NEGR1: variants seen among roughly 807,000 people sequenced by gnomAD.
NEGR1 encodes IgLON family member 4.
In NEGR1, 10 loss-of-function variants were observed where a neutral mutation model predicts 40.9. The ratio of observed to expected loss-of-function variants is 0.24; its 90% CI spans 0.15 to 0.42. NEGR1 has a LOEUF of 0.42. Among genes scored for constraint, NEGR1 ranks in the 10% least tolerant of loss-of-function variants. The pLI, the probability that NEGR1 is intolerant of heterozygous loss-of-function variation, is 1.00. For synonymous variants in NEGR1, 185 were observed against 166.8 expected (o/e 1.11, Z -0.84); for missense variants, 352 against 438.9 (o/e 0.80, Z 1.77).
At chr1:71,584,490 T>C (rs552904121) in intron 6 of NEGR1, among the ~76,000 whole-genome samples, 2 of 152,320 alleles carry the variant, frequency 1.3e-5, no homozygotes, top group South Asian at 2.1e-4. Flanking sequence ...ACCTTCATAA[T>C]AATCATTTTG....
intron 6 of NEGR1, among the ~76,000 whole-genome samples, chr1:71,448,007 C>G (rs1367987916): frequency 6.6e-6 from 1 of 152,112 alleles, no homozygotes; most frequent in Non-Finnish European, 1.5e-5. Context: ...ATTTTTAATC[C>G]TTTCACAGGG....
intron 2 of NEGR1, among the ~76,000 whole-genome samples, chr1:71,854,038 T>A (rs1038595674): frequency 1.3e-5 from 2 of 152,148 alleles, no homozygotes; most frequent in Non-Finnish European, 2.9e-5. Context: ...TGTTGAGGAT[T>A]TGATTTTTAT....
Position 71,406,592 on chromosome 1 carries a change from A to C in NEGR1, c.*854T>G, listed in dbSNP as rs1005470858. On this transcript the variant is annotated 3_prime_UTR_variant, in exon 7 of 7. Coordinates refer to ENST00000357731, the MANE Select transcript of NEGR1 (RefSeq NM_173808.3). Reference sequence around the variant, plus strand: ...TACAACTAAAGAAATCATATGGTATATTTACTATACTGTTATTAAATTGTC... The same window carrying C: ...TACAACTAAAGAAATCATATGGTATCTTTACTATACTGTTATTAAATTGTC... 1 of 152,242 alleles carries C rather than the reference A, an allele frequency of 6.6e-6. No individual in the cohort carries two copies. The highest frequency in any genetic ancestry group is 1.5e-5 in the Non-Finnish European group (1 of 67,916). 9.4% of individuals were successfully genotyped at this position (152,242 alleles called of 1,614,324 possible). A position where few individuals can be genotyped will look rare whatever the true frequency, so the allele number is the denominator to read the frequency against.
chr1:72,115,609 G>T (rs1649551341), intron 1 of NEGR1, among the ~76,000 whole-genome samples: 1 of 151,650 alleles, frequency 6.6e-6, no homozygotes, highest in Admixed American at 6.6e-5. Context: ...TCTGAAATGG[G>T]AGCTATACCT....
At chr1:72,154,053 A>C (rs1651264473) in intron 1 of NEGR1, among the ~76,000 whole-genome samples, 1 of 151,930 alleles carries the variant, frequency 6.6e-6, no homozygotes, top group African/African-American at 2.4e-5. Context: ...TGGAGACAGC[A>C]AATGTGAGTA....
intron 6 of NEGR1, among the ~76,000 whole-genome samples, chr1:71,551,846 G>T (rs1361883997): frequency 6.6e-6 from 1 of 151,630 alleles, no homozygotes; most frequent in Non-Finnish European, 1.5e-5. Context: ...TATTGAAAGG[G>T]TTTGGAGCCT....
chr1:72,088,796 C>CTTTTTTTTTTTTTTTTTTTTTTTTTTTTT (rs71074816), intron 1 of NEGR1, among the ~76,000 whole-genome samples: 2 of 74,920 alleles, frequency 2.7e-5, no homozygotes, highest in Non-Finnish European at 5.1e-5. Flanking sequence ...CTCTCTCTCT[C>CTTTTTTTTTTTTTTTTTTTTTTTTTTTTT]TTTTTTTTTT....
At chr1:72,194,180 T>C (rs910853846) in intron 1 of NEGR1, among the ~76,000 whole-genome samples, 6 of 152,016 alleles carry the variant, frequency 3.9e-5, no homozygotes, top group African/African-American at 1.4e-4. Context: ...CAAATGTTTG[T>C]CTTACTTCTC....
chr1:71,422,582 A>C (rs1051752524), intron 6 of NEGR1: 1 of 152,250 alleles, frequency 6.6e-6, no homozygotes. Context: ...AGTCACTTAC[A>C]GGACGTGAAA....
intron 1 of NEGR1, among the ~76,000 whole-genome samples, chr1:71,943,455 A>C (rs1355610027): frequency 1.3e-5 from 2 of 151,876 alleles, no homozygotes; most frequent in African/African-American, 4.8e-5. Flanking sequence ...ACTCATAATT[A>C]AACTGTTTTT....
At chr1:71,702,708 G>T (rs906393903) in intron 3 of NEGR1, among the ~76,000 whole-genome samples, 3 of 123,244 alleles carry the variant, frequency 2.4e-5, no homozygotes, top group African/African-American at 2.9e-5. Context: ...AACCACTAAA[G>T]AATGAGCAAA....
chr1:71,816,997 C>G (rs1231237219), intron 2 of NEGR1, among the ~76,000 whole-genome samples: 1 of 151,162 alleles, frequency 6.6e-6, no homozygotes, highest in African/African-American at 2.4e-5. Flanking sequence ...CCCTCTTCAC[C>G]TAGCTCCCAT....
At position 71,504,851 on chromosome 1, in the gene NEGR1, C is replaced by A. The variant is rs956537868; in HGVS notation, c.940+87966G>T. On this transcript the variant is annotated intron_variant, in intron 6 of 6. Transcript: ENST00000357731. Reference sequence around the variant, plus strand: ...TATATGTTCCTGAAGCGGGAACTAACCTCCTGGGTCAAAACCTGATCATGA... The same window carrying A: ...TATATGTTCCTGAAGCGGGAACTAAACTCCTGGGTCAAAACCTGATCATGA... 3.9e-5 allele frequency among the ~76,000 whole-genome samples: 6 copies of A among 152,060 alleles called. No individual in the cohort carries two copies. The South Asian group carries it at 1.0e-3, about 26-fold the overall frequency.
intron 2 of NEGR1, among the ~76,000 whole-genome samples, chr1:71,899,648 A>G (rs1661092421): frequency 1.3e-5 from 2 of 152,184 alleles, no homozygotes; most frequent in Non-Finnish European, 2.9e-5. Context: ...TAAATATGAA[A>G]TCATTTAATT....
intron 4 of NEGR1, among the ~76,000 whole-genome samples, chr1:71,615,394 C>A (rs182441245): frequency 6.6e-6 from 1 of 152,168 alleles, no homozygotes; most frequent in East Asian, 1.9e-4. Flanking sequence ...ATGTTATTTA[C>A]TATGTTGCAG....
chr1:71,860,599 G>A (rs951362262), intron 2 of NEGR1, among the ~76,000 whole-genome samples: 3 of 151,930 alleles, frequency 2.0e-5, no homozygotes, highest in African/African-American at 7.2e-5. Flanking sequence ...ATGATAGATA[G>A]TAAGACTTAC....
intron 4 of NEGR1, among the ~76,000 whole-genome samples, chr1:71,685,564 T>G (rs1653004522): frequency 6.6e-6 from 1 of 152,080 alleles, no homozygotes; most frequent in Admixed American, 6.6e-5. Context: ...TTGTTCTCTG[T>G]CCGCATTGGC....
intron 6 of NEGR1, among the ~76,000 whole-genome samples, chr1:71,520,626 G>A (rs1647149580): frequency 6.6e-6 from 1 of 152,004 alleles, no homozygotes; most frequent in Admixed American, 6.6e-5. Context: ...TTGTGTTTAA[G>A]TCTTTGCTCT....
At chr1:71,918,679 G>C (rs1484474257) in intron 2 of NEGR1, among the ~76,000 whole-genome samples, 1 of 128,816 alleles carries the variant, frequency 7.8e-6, no homozygotes, top group Non-Finnish European at 1.7e-5. Flanking sequence ...ATGGTATGCT[G>C]TGCCAAAAAA....
Sources: allele counts gnomAD v4.1 joint callset (sites outside exome capture counted in the v4.1 genomes callset), GRCh38; gene constraint gnomAD v4.1.1; transcripts MANE v1.5; gene names NCBI Gene and HGNC (gene_info 2026-07-23, HGNC 2026-07-21).